The following NAALADL1 variants were observed in gnomAD, a reference collection of about 807,000 sequenced individuals.
The protein encoded by NAALADL1 is N-acetylated alpha-linked acidic dipeptidase like 1, also known as aminopeptidase NAALADL1.
A neutral mutation model predicts 82.8 loss-of-function variants in NAALADL1; 77 were observed. That is an observed-to-expected ratio of 0.93 (90% confidence interval 0.77 to 1.12). The LOEUF is 1.12. Among genes scored for constraint, NAALADL1 ranks in the 50% most tolerant of loss-of-function variants. The probability of loss-of-function intolerance (pLI) is 0.00; values close to 1 mark genes in which losing one functional copy is unlikely to be tolerated. For synonymous variants in NAALADL1, 358 were observed against 399.2 expected (o/e 0.90, Z 1.23); for missense variants, 956 against 964.0 (o/e 0.99, Z 0.11).
At chr11:65,055,906 A>G (rs1485602203) in intron 4 of NAALADL1, among the ~76,000 whole-genome samples, 2 of 105,972 alleles carry the variant, frequency 1.9e-5, no homozygotes, top group African/African-American at 3.8e-5. Context: ...TTTTTTTGAG[A>G]TGAGGTCTTG....
At position 65,046,317 on chromosome 11, in the gene NAALADL1, A is replaced by G. The variant is rs145635706; in HGVS notation, c.1727T>C (p.Ile576Thr). ...GAAGAAGCTGTCACTGAGCCGGAGA[A>G]TCACACTCCCCGCTGTCCGGGCCAC... ...QAVARTAGSV[I>T]LRLSDSFFLP... Residue 576 changes from isoleucine to threonine, a missense_variant, in exon 15 of 18, where the codon ATT becomes ACT. Physicochemically the swap from Ile to Thr is moderately conservative, Grantham distance 89. Transcript: ENST00000358658. The G allele has an allele frequency of 3.1e-6, 5 of 1,614,038 alleles. No homozygotes were observed. The highest frequency in any genetic ancestry group is 3.4e-6 in the Non-Finnish European group (4 of 1,180,024).
rs1446243716 is a variant in NAALADL1, at chr11:65,047,648, T to G, written c.1507A>C (p.Ser503Arg). ...RSSPVYGLVP[S>R]LGSLGAGSDY... ...GCCCCCTTCTGTCCCTGGGCTTACCTGGGGACCAGGCCGTACACCGGGCTG... is the reference window on the plus strand; with the variant it reads ...GCCCCCTTCTGTCCCTGGGCTTACCGGGGGACCAGGCCGTACACCGGGCTG... The change falls in exon 12 of 18, where the codon AGC (serine) becomes CGC (arginine). Residue 503 changes from serine (S) to arginine (R), a missense_variant and splice_region_variant. Physicochemically the swap from Ser to Arg is moderately radical, Grantham distance 110 (BLOSUM62 -1). Transcript: ENST00000358658. 1.2e-6 allele frequency: 2 copies of G among 1,603,378 alleles called. No individual in the cohort carries two copies. Among genetic ancestry groups the G allele is most frequent in the South Asian group, 2.3e-5 (2 of 88,432 alleles).
chr11:65,047,950 G>A (rs1270392220), intron 11 of NAALADL1, 31 bp downstream of exon 11: 1 of 1,447,166 alleles, frequency 6.9e-7, no homozygotes, highest in Non-Finnish European at 9.3e-7. Context: ...GCCCCAGCTA[G>A]TTCAGCCCCG....
rs1565249725 is a variant in NAALADL1 at position 65,058,263 on chromosome 11, C to T, written c.186-13G>A. ...CCTGGAGAGTTCTCTGCAGGGTGGG[C>T]AGAGGGAGGGGCAGGGCCAGCATCA... On this transcript the variant is annotated splice_polypyrimidine_tract_variant and intron_variant, in intron 1 of 17. Transcript: ENST00000358658. 2 of 1,613,374 alleles carry T rather than the reference C, an allele frequency of 1.2e-6. No homozygotes were observed. Among genetic ancestry groups the T allele is most frequent in the Non-Finnish European group, 1.7e-6 (2 of 1,179,664 alleles).
chr11:65,057,821 C>A, intron 3 of NAALADL1, 54 bp downstream of exon 3: 1 of 1,606,186 alleles, frequency 6.2e-7, no homozygotes, highest in Non-Finnish European at 8.5e-7. Flanking sequence ...GGGGAGAACC[C>A]TGGGTGGAAC....
chr11:65,046,436 C>T lies in NAALADL1; in HGVS notation c.1681+9G>A. On this transcript the variant is annotated intron_variant, in intron 14 of 17. Coordinates refer to ENST00000358658, the MANE Select transcript of NAALADL1 (RefSeq NM_005468.3). ...CTGGTCTCAGGATGCCCCTTGTCTC[C>T]CTCCTCACCCGGGTCCAAAAACTTG... 1 of 1,614,158 alleles carries T rather than the reference C, an allele frequency of 6.2e-7. No individual in the cohort carries two copies. Among genetic ancestry groups the T allele is most frequent in the Non-Finnish European group, 8.5e-7 (1 of 1,179,998 alleles).
At chr11:65,045,948 G>C in intron 16 of NAALADL1, 34 bp from the exon 17 acceptor site, 3 of 1,612,734 alleles carry the variant, frequency 1.9e-6, no homozygotes, top group Non-Finnish European at 2.5e-6. Context: ...AGTCACCCTG[G>C]AGCCAGCAGC....
intron 8 of NAALADL1, among the ~76,000 whole-genome samples, chr11:65,049,120 C>T (rs141642339): frequency 2.6e-5 from 4 of 152,064 alleles, no homozygotes; most frequent in African/African-American, 4.8e-5. Context: ...TCCTGGGGTC[C>T]GGCGATCCTC....
Position 65,058,145 on chromosome 11 carries a change from G to T in NAALADL1, c.291C>A (p.Ala97=). The T allele has an allele frequency of 6.2e-7, 1 of 1,613,934 alleles. No homozygotes were observed. The highest frequency in any genetic ancestry group is 1.7e-4 in the Middle Eastern group (1 of 6,060). ...WKDPESGLDS[A]EASTYEVLLS... is the part of the protein sequence containing the mutation. ...GCAGCACTTCGTACGTGGAGGCCTC[G>T]GCCGAGTCCAGGCCTGACTCTGGGT... Residue 97 remains alanine (A), a synonymous_variant, in exon 2 of 18, where the codon GCC becomes GCA. Coordinates refer to ENST00000358658, the MANE Select transcript of NAALADL1 (RefSeq NM_005468.3).
Position 65,053,838 on chromosome 11 carries a change from T to C in NAALADL1, c.993-262A>G, listed in dbSNP as rs542318610. On this transcript the variant is annotated intron_variant, in intron 6 of 17. Transcript: ENST00000358658. This position sits in a 1 kb window ranked among gnomAD's most constrained non-coding sequence, Gnocchi z 4.3. ...ACCTGGTTCTCGTGGGGCCTCCCTCTCCTGAGTGAGACAGACCAGGAGGAC... is the reference window on the plus strand; with the variant it reads ...ACCTGGTTCTCGTGGGGCCTCCCTCCCCTGAGTGAGACAGACCAGGAGGAC... Among the ~76,000 whole-genome samples, 1 of 152,118 alleles carries C rather than the reference T, an allele frequency of 6.6e-6. No individual in the cohort carries two copies. The highest frequency in any genetic ancestry group is 2.1e-4 in the South Asian group (1 of 4,816).
rs1947107579 is a variant in NAALADL1 at position 65,058,396 on chromosome 11, C to T, written c.126G>A (p.Leu42=). Residue 42 remains leucine, a synonymous_variant, in exon 1 of 18, where the codon CTG becomes CTA. Transcript: ENST00000358658. The part of the protein sequence containing the change: ...ANSLAPQDLD[L]EILETVMGQL... Reference sequence around the variant, plus strand: ...GCCCCATGACGGTCTCCAGGATCTCCAGGTCCAGGTCCTGGGGGGCCAGTG... The same window carrying T: ...GCCCCATGACGGTCTCCAGGATCTCTAGGTCCAGGTCCTGGGGGGCCAGTG... 2 of 1,614,166 alleles carry T rather than the reference C, an allele frequency of 1.2e-6. No homozygotes were observed. Among genetic ancestry groups the T allele is most frequent in the Non-Finnish European group, 1.7e-6 (2 of 1,179,994 alleles).
rs764553868 is a variant in NAALADL1 at position 65,046,292 on chromosome 11, G to A, written c.1752C>T (p.Phe584=). The change falls in exon 15 of 18, where the codon TTC becomes TTT. Residue 584 remains phenylalanine (F), a synonymous_variant. Coordinates refer to ENST00000358658, the MANE Select transcript of NAALADL1 (RefSeq NM_005468.3). The part of the protein sequence containing the change: ...SVILRLSDSF[F]LPLKVSDYSE... ...TGTAGTCACTGACTTTGAGGGGCAGGAAGAAGCTGTCACTGAGCCGGAGAA... is the reference window on the plus strand; with the variant it reads ...TGTAGTCACTGACTTTGAGGGGCAGAAAGAAGCTGTCACTGAGCCGGAGAA... The A allele has an allele frequency of 1.7e-5, 27 of 1,614,070 alleles. No individual in the cohort carries two copies. The highest frequency in any genetic ancestry group is 2.2e-5 in the Non-Finnish European group (26 of 1,180,042).
Position 65,058,403 on chromosome 11 carries a change from A to G in NAALADL1, c.119T>C (p.Leu40Pro). Residue 40 changes from leucine to proline, a missense_variant, in exon 1 of 18, where the codon CTG (leucine) becomes CCG (proline). Coordinates refer to ENST00000358658, the MANE Select transcript of NAALADL1 (RefSeq NM_005468.3). The stretch of plus-strand genomic sequence containing the variant: ...GACGGTCTCCAGGATCTCCAGGTCC[A>G]GGTCCTGGGGGGCCAGTGAGTTGGC... Reference protein sequence around the residue: ...KKANSLAPQDLDLEILETVMG... With the variant: ...KKANSLAPQDPDLEILETVMG... 6.2e-7 allele frequency: 1 copy of G among 1,614,134 alleles called. No individual in the cohort carries two copies. Among genetic ancestry groups the G allele is most frequent in the Non-Finnish European group, 8.5e-7 (1 of 1,179,990 alleles).
At position 65,048,404 on chromosome 11, in the gene NAALADL1, G is replaced by C. The variant is rs745483658; in HGVS notation, c.1199-19C>G. The C allele has an allele frequency of 1.9e-6, 3 of 1,613,962 alleles. 1 individual carries two copies. Among genetic ancestry groups the C allele is most frequent in the Non-Finnish European group, 2.5e-6 (3 of 1,179,910 alleles). On this transcript the variant is annotated intron_variant, in intron 8 of 17. Coordinates refer to ENST00000358658, the MANE Select transcript of NAALADL1 (RefSeq NM_005468.3). The stretch of plus-strand genomic sequence containing the variant: ...CAGGTGCCTGGGAATGGGGGATAGA[G>C]GGTTGGAGGACAGGGTCCTCCTGAT...
At position 65,053,646 on chromosome 11, in the gene NAALADL1, CTG is replaced by C; in HGVS notation, c.993-72_993-71del. ...TGCCCCCGACCCAGTGCAGGAGACA[CTG>C]AGGCCCGGAGCTGGAAAGTGACGTG... On this transcript the variant is annotated intron_variant, in intron 6 of 17. Transcript: ENST00000358658. The surrounding 1 kb of genome is among the most constrained non-coding windows in gnomAD (Gnocchi z 4.3). 8.8e-6 allele frequency: 12 copies of C among 1,364,548 alleles called. No homozygotes were observed. Among genetic ancestry groups the C allele is most frequent in the Non-Finnish European group, 1.2e-5 (12 of 999,504 alleles). The allele number at this position is 1,364,548 out of a possible 1,614,324, so 84.5% of individuals were successfully genotyped here.
intron 17 of NAALADL1, 99 bp from the exon 18 acceptor site, chr11:65,045,556 C>T (rs958256647): frequency 7.9e-7 from 1 of 1,269,696 alleles, no homozygotes; most frequent in African/African-American, 1.5e-5. Context: ...CGCAGCGAGG[C>T]AGAAAAGCAC....
chr11:65,058,283 G>C, intron 1 of NAALADL1, 33 bp from the exon 2 acceptor site: 1 of 1,613,796 alleles, frequency 6.2e-7, no homozygotes, highest in South Asian at 1.1e-5. Flanking sequence ...GGCAGGGCCA[G>C]CATCAGGGAG....
rs1269274565 is a variant in NAALADL1 at position 65,057,885 on chromosome 11, C to A, written c.470G>T (p.Gly157Val). The A allele has an allele frequency of 6.2e-7, 1 of 1,613,850 alleles. No homozygotes were observed. The highest frequency in any genetic ancestry group is 1.3e-5 in the African/African-American group (1 of 74,992). The change falls in exon 3 of 18, where the codon GGA becomes GTA. Residue 157 changes from glycine to valine, a missense_variant. Gly to Val is a moderately radical substitution (Grantham distance 109, BLOSUM62 -3). Transcript: ENST00000358658. ...GGGTTCTGGGCCCACCTGTGGGGTTCCAGAAGGAGCATAGGCAGCATAGGG... is the reference window on the plus strand; with the variant it reads ...GGGTTCTGGGCCCACCTGTGGGGTTACAGAAGGAGCATAGGCAGCATAGGG... Reference protein sequence around the residue: ...VQPYAAYAPSGTPQGLLVYAN... With the variant: ...VQPYAAYAPSVTPQGLLVYAN...
rs777420565 is a variant in NAALADL1 at position 65,046,443 on chromosome 11, A to G, written c.1681+2T>C. 5 of 1,613,704 alleles carry G rather than the reference A, an allele frequency of 3.1e-6. No homozygotes were observed. The highest frequency in any genetic ancestry group is 2.2e-5 in the East Asian group (1 of 44,872). ...CAGGATGCCCCTTGTCTCCCTCCTC[A>G]CCCGGGTCCAAAAACTTGTCCACAT... On this transcript the variant is annotated splice_donor_variant, in intron 14 of 17. Coordinates refer to ENST00000358658, the MANE Select transcript of NAALADL1 (RefSeq NM_005468.3). LOFTEE classifies it high-confidence loss of function.
Sources: allele counts gnomAD v4.1 joint callset (sites outside exome capture counted in the v4.1 genomes callset), GRCh38; gene constraint gnomAD v4.1.1; non-coding constraint Gnocchi (gnomAD v3.1); transcripts MANE v1.5; gene names NCBI Gene and HGNC (gene_info 2026-07-23, HGNC 2026-07-21).